FGD5: variants seen among roughly 807,000 people sequenced by gnomAD.
FGD5 encodes the protein FYVE, RhoGEF and PH domain-containing protein 5.
In FGD5, 28 loss-of-function variants were observed where a neutral mutation model predicts 133.4. The observed-to-expected ratio is 0.21, with a 90% CI of 0.16 to 0.29. The LOEUF is 0.29. Ranked by LOEUF, FGD5 falls within the 10% of genes least tolerant of loss-of-function variation. FGD5 has a pLI of 1.00. For synonymous variants in FGD5, 810 were observed against 776.5 expected, an observed-to-expected ratio of 1.04 and a Z score of -0.72; for missense variants, 1,858 against 1,895.2, an observed-to-expected ratio of 0.98 and a Z score of 0.36.
chr3:14,923,275 T>C, intron 16 of FGD5, 100 bp downstream of exon 16: 1 of 1,464,798 alleles, frequency 6.8e-7, no homozygotes, highest in Non-Finnish European at 9.1e-7. Context: ...TGAAACCGCT[T>C]TCCCTGGAGG....
intron 11 of FGD5, among the ~76,000 whole-genome samples, chr3:14,911,721 G>A (rs1001180378): frequency 2.7e-5 from 4 of 150,186 alleles, no homozygotes; most frequent in Non-Finnish European, 4.4e-5. Context: ...AGTCCAATGG[G>A]AGGGAGAAGC....
intron 10 of FGD5, among the ~76,000 whole-genome samples, chr3:14,910,554 A>G (rs2038428471): frequency 6.6e-6 from 1 of 152,164 alleles, no homozygotes; most frequent in African/African-American, 2.4e-5. Flanking sequence ...GGAATTTTTA[A>G]TGTTAAGGAT....
intron 2 of FGD5, among the ~76,000 whole-genome samples, chr3:14,868,527 GC>G (rs1361578703): frequency 1.3e-5 from 2 of 152,338 alleles, no homozygotes; most frequent in Admixed American, 6.5e-5. Context: ...CCAGTCCCCA[GC>G]TGGGGTTAAA....
intron 18 of FGD5, chr3:14,932,329 C>T (rs998908260): frequency 1.3e-4 from 47 of 363,102 alleles, no homozygotes; most frequent in Non-Finnish European, 1.9e-4. Context: ...GTGATCCACC[C>T]GCCTCAGCCT....
At chr3:14,823,528 G>A (rs148458645) in intron 1 of FGD5, among the ~76,000 whole-genome samples, 1,632 of 152,338 alleles carry the variant, frequency 0.011, 33 homozygotes, top group African/African-American at 0.037. Flanking sequence ...GAATCACAGA[G>A]TTTTATAGCT....
At chr3:14,812,005 T>G (rs987616207) in intron 1 of FGD5, among the ~76,000 whole-genome samples, 8 of 68,458 alleles carry the variant, frequency 1.2e-4, no homozygotes, top group Admixed American at 3.2e-4. Context: ...CCTGCTGGTG[T>G]GTGTGTGTGT....
intron 18 of FGD5, among the ~76,000 whole-genome samples, chr3:14,927,322 T>C (rs2038822190): frequency 6.6e-6 from 1 of 152,168 alleles, no homozygotes; most frequent in African/African-American, 2.4e-5. Flanking sequence ...AGCATAAGCT[T>C]ATTTTAAAAG....
At chr3:14,880,499 T>G (rs954214179) in intron 2 of FGD5, 73 bp from the exon 3 acceptor site, 65 of 1,482,570 alleles carry the variant, frequency 4.4e-5, no homozygotes, top group Middle Eastern at 2.2e-4. Flanking sequence ...GGAACTTGCC[T>G]CCAGCAGCAT....
At chr3:14,844,379 C>A (rs554605984) in intron 1 of FGD5, among the ~76,000 whole-genome samples, 3 of 149,158 alleles carry the variant, frequency 2.0e-5, no homozygotes, top group Non-Finnish European at 4.5e-5. Context: ...CCAGTTTCCC[C>A]CTTAGAGAAA....
chr3:14,843,037 T>C (rs1320972944), intron 1 of FGD5, among the ~76,000 whole-genome samples: 1 of 152,246 alleles, frequency 6.6e-6, no homozygotes, highest in East Asian at 1.9e-4. Context: ...AATGAAGCCT[T>C]ATATTTCTTG....
At chr3:14,864,627 T>C (rs976046866) in intron 2 of FGD5, among the ~76,000 whole-genome samples, 3 of 152,182 alleles carry the variant, frequency 2.0e-5, no homozygotes, top group African/African-American at 7.2e-5. Flanking sequence ...GTGGAAATCA[T>C]GAGGGTGAGA....
In FGD5 at chr3:14,819,704, G is replaced by T; in HGVS notation, c.633G>T (p.Gly211=). 6.5e-7 allele frequency: 1 copy of T among 1,535,752 alleles called. No homozygotes were observed. The highest frequency in any genetic ancestry group is 8.8e-7 in the Non-Finnish European group (1 of 1,138,758). The change falls in exon 1 of 20, where the codon GGG becomes GGT. Residue 211 remains glycine, a synonymous_variant. Transcript: ENST00000285046. This position sits in a 1 kb window ranked among gnomAD's most constrained non-coding sequence, Gnocchi z 4.1. Reference sequence around the variant, plus strand: ...ACCAGGAGCCCCCCGACACCCCCGGGGAGGCAGAGGAGGATGATGAGGAAG... The same window carrying T: ...ACCAGGAGCCCCCCGACACCCCCGGTGAGGCAGAGGAGGATGATGAGGAAG... The part of the protein sequence containing the change: ...GEDQEPPDTP[G]EAEEDDEEGC...
At chr3:14,816,341 A>G (rs568754876), upstream of FGD5, among the ~76,000 whole-genome samples, 75 of 152,322 alleles carry the variant, frequency 4.9e-4, 1 homozygote, top group South Asian at 0.012. Flanking sequence ...TGTGAAGCTC[A>G]TATTACGCAG....
chr3:14,852,199 C>CT (rs1399639762), intron 1 of FGD5, among the ~76,000 whole-genome samples: 10 of 152,174 alleles, frequency 6.6e-5, no homozygotes, highest in Non-Finnish European at 1.3e-4. Flanking sequence ...ATTCAAATGT[C>CT]TATCAGTTGA....
At position 14,890,378 on chromosome 3, in the gene FGD5, C is replaced by T. The variant is rs116424273; in HGVS notation, c.2749-7131C>T. ...ACCCAGGTTGCAAACTCTCTGAGGG[C>T]AGAAGTGCATCTCTCCATGCTCCCA... is the stretch of plus-strand genomic sequence containing the variant. On this transcript the variant is annotated intron_variant, in intron 4 of 19. Coordinates refer to ENST00000285046, the MANE Select transcript of FGD5 (RefSeq NM_152536.4). Among the ~76,000 whole-genome samples the T allele has an allele frequency of 8.9e-3, 1,362 of 152,312 alleles. 17 individuals are homozygous for T. Among genetic ancestry groups the T allele is most frequent in the African/African-American group, 0.03 (1,264 of 41,566 alleles).
intron 2 of FGD5, among the ~76,000 whole-genome samples, chr3:14,870,245 A>G (rs995803284): frequency 6.6e-6 from 1 of 152,196 alleles, no homozygotes; most frequent in Non-Finnish European, 1.5e-5. Context: ...TCTGTGAGCC[A>G]GAGCCTAGGA....
intron 4 of FGD5, among the ~76,000 whole-genome samples, chr3:14,890,675 G>T (rs1268938636): frequency 1.3e-5 from 2 of 152,216 alleles, no homozygotes; most frequent in Non-Finnish European, 2.9e-5. Flanking sequence ...TCTAGTTTTT[G>T]AAATGAGTCA....
chr3:14,880,847 T>C, intron 4 of FGD5, 75 bp downstream of exon 4: 11 of 1,559,566 alleles, frequency 7.1e-6, no homozygotes, highest in Middle Eastern at 1.7e-4. Flanking sequence ...AGGAAAGCAA[T>C]GTGGAGACAG....
chr3:14,917,655 AT>A lies in FGD5; in HGVS notation c.3489+330del, dbSNP rs972513890. Among the ~76,000 whole-genome samples the A allele has an allele frequency of 6.6e-6, 1 of 152,142 alleles. No individual in the cohort carries two copies. Among genetic ancestry groups the A allele is most frequent in the African/African-American group, 2.4e-5 (1 of 41,424 alleles). Reference sequence around the variant, plus strand: ...TGGGGGAACAAGCAGGTGGTTGGTAATTTTTTTAATTGTGATAAAATACACA... The same window carrying A: ...TGGGGGAACAAGCAGGTGGTTGGTAATTTTTTAATTGTGATAAAATACACA... On this transcript the variant is annotated intron_variant, in intron 12 of 19. Coordinates refer to ENST00000285046, the MANE Select transcript of FGD5 (RefSeq NM_152536.4). This position sits in a 1 kb window ranked among gnomAD's most constrained non-coding sequence, Gnocchi z 4.1.
Sources: allele counts gnomAD v4.1 joint callset (sites outside exome capture counted in the v4.1 genomes callset), GRCh38; gene constraint gnomAD v4.1.1; non-coding constraint Gnocchi (gnomAD v3.1); transcripts MANE v1.5; gene names NCBI Gene and HGNC (gene_info 2026-07-23, HGNC 2026-07-21).